The following SCTR variants were observed in gnomAD, a reference collection of about 807,000 sequenced individuals.
SCTR encodes the protein pancreatic secretin receptor.
In SCTR, 56 loss-of-function variants were observed where a neutral mutation model predicts 60.8. The observed-to-expected ratio is 0.92, with a 90% CI of 0.74 to 1.15. SCTR has a LOEUF of 1.15. Among genes scored for constraint, SCTR ranks in the 50% most tolerant of loss-of-function variants. SCTR has a pLI of 0.00. For missense variants in SCTR, 562 were observed against 550.4 expected (o/e 1.02, Z -0.21); for synonymous variants, 202 against 217.0 (o/e 0.93, Z 0.61).
In SCTR at chr2:119,524,191, T is replaced by A. The variant is rs1167236642; in HGVS notation, c.36A>T (p.Leu12=). The A allele has an allele frequency of 1.3e-6, 2 of 1,525,904 alleles. No individual in the cohort carries two copies. Among genetic ancestry groups the A allele is most frequent in the East Asian group, 2.7e-5 (1 of 36,928 alleles). 94.5% of individuals were successfully genotyped at this position (1,525,904 alleles called of 1,614,324 possible). Residue 12 remains leucine, a synonymous_variant, in exon 1 of 13, where the codon CTA becomes CTT. Coordinates refer to ENST00000019103, the MANE Select transcript of SCTR (RefSeq NM_002980.3). ...CGCAGGCGAGCAGCACCGGCAGTAG[T>A]AGCTGCTGCAGCGGCGGCGACAGGT... is the stretch of plus-strand genomic sequence containing the variant. ...RPHLSPPLQQ[L]LLPVLLACAA...
chr2:119,494,009 G>A (rs146911986), intron 2 of SCTR, among the ~76,000 whole-genome samples: 6 of 152,266 alleles, frequency 3.9e-5, no homozygotes, highest in Non-Finnish European at 7.4e-5. Context: ...TCACACAGCC[G>A]GTGAGTGTCA....
chr2:119,443,090 T>G (rs1043803818), intron 11 of SCTR, among the ~76,000 whole-genome samples: 1 of 152,146 alleles, frequency 6.6e-6, no homozygotes, highest in African/African-American at 2.4e-5. Flanking sequence ...ATGCTGCCCG[T>G]TGCATGGGCT....
chr2:119,482,699 G>C (rs959460431), intron 2 of SCTR, among the ~76,000 whole-genome samples: 3 of 152,196 alleles, frequency 2.0e-5, no homozygotes, highest in African/African-American at 7.2e-5. Flanking sequence ...CTGGGCCTGA[G>C]CAGGGTCTCG....
chr2:119,478,931 G>A lies in SCTR; in HGVS notation c.194-13C>T. 2 of 1,614,036 alleles carry A rather than the reference G, an allele frequency of 1.2e-6. No individual in the cohort carries two copies. The highest frequency in any genetic ancestry group is 1.7e-6 in the Non-Finnish European group (2 of 1,179,940). ...ATCCCCTCACAACCTGCCAAGAAAA[G>A]CAGCATCAGACAAGGATGGGGGATG... On this transcript the variant is annotated splice_polypyrimidine_tract_variant and intron_variant, in intron 2 of 12. Transcript: ENST00000019103.
rs1331842057 is a variant in SCTR at position 119,444,458 on chromosome 2, T to A, written c.1140+2301A>T. Among the ~76,000 whole-genome samples, 3 of 121,992 alleles carry A rather than the reference T, an allele frequency of 2.5e-5. 1 individual carries two copies. The South Asian group carries it at 8.2e-4, about 33-fold the overall frequency. The allele number at this position is 121,992 out of a possible 152,430, so 80.0% of individuals were successfully genotyped here. A position where few individuals can be genotyped will look rare whatever the true frequency, so the allele number is the denominator to read the frequency against. The stretch of plus-strand genomic sequence containing the variant: ...ATACACATATATATACGTACGTATA[T>A]ATATACACATATATACGTACGTATA... On this transcript the variant is annotated intron_variant, in intron 11 of 12. Transcript: ENST00000019103.
chr2:119,478,805 G>T lies in SCTR; in HGVS notation c.301+6C>A, dbSNP rs759809640. 4.3e-6 allele frequency: 7 copies of T among 1,614,134 alleles called. No individual in the cohort carries two copies. The highest frequency in any genetic ancestry group is 4.2e-6 in the Non-Finnish European group (5 of 1,179,982). Reference sequence around the variant, plus strand: ...GTCCGCCAGGCCCCATGGGCCGAGTGGTTACCATTTCTGCTGGTGAGCATC... The same window carrying T: ...GTCCGCCAGGCCCCATGGGCCGAGTTGTTACCATTTCTGCTGGTGAGCATC... On this transcript the variant is annotated splice_donor_region_variant and intron_variant, in intron 3 of 12. Coordinates refer to ENST00000019103, the MANE Select transcript of SCTR (RefSeq NM_002980.3).
rs888822201 is a variant in SCTR, at chr2:119,524,300, C to A, written c.-74G>T. The A allele has an allele frequency of 1.9e-6, 2 of 1,059,520 alleles. No homozygotes were observed. The highest frequency in any genetic ancestry group is 3.4e-5 in the African/African-American group (2 of 59,342). The allele number at this position is 1,059,520 out of a possible 1,614,324, so 65.6% of individuals were successfully genotyped here. A position where few individuals can be genotyped will look rare whatever the true frequency, so the allele number is the denominator to read the frequency against. On this transcript the variant is annotated 5_prime_UTR_variant, in exon 1 of 13. Coordinates refer to ENST00000019103, the MANE Select transcript of SCTR (RefSeq NM_002980.3). ...CCTCTGCCCGCTCGGGAGCTCAGCG[C>A]CCCGCGCAGGGTCCCGGGCTCCGGC... is the stretch of plus-strand genomic sequence containing the variant.
intron 11 of SCTR, among the ~76,000 whole-genome samples, chr2:119,443,677 A>C (rs1045690806): frequency 2.0e-5 from 3 of 151,970 alleles, no homozygotes; most frequent in Non-Finnish European, 4.4e-5. Context: ...CTCCCGAGTA[A>C]CTGGGACTAC....
intron 12 of SCTR, 84 bp from the exon 13 acceptor site, chr2:119,440,341 C>T (rs546903233): frequency 2.0e-6 from 3 of 1,468,096 alleles, no homozygotes; most frequent in African/African-American, 2.8e-5. Flanking sequence ...TGACTCCACG[C>T]AGGCCCTGCC....
intron 2 of SCTR, among the ~76,000 whole-genome samples, chr2:119,493,641 CTTT>C (rs35864019): frequency 1.0e-4 from 14 of 133,394 alleles, no homozygotes; most frequent in Non-Finnish European, 1.6e-4. Flanking sequence ...CATTCTTCTT[CTTT>C]TTTTTTTTTT....
chr2:119,500,123 A>T (rs1678488117), intron 1 of SCTR, among the ~76,000 whole-genome samples: 2 of 152,192 alleles, frequency 1.3e-5, no homozygotes, highest in Admixed American at 1.3e-4. Flanking sequence ...TCATTAGAAA[A>T]ATGCAAATCA....
intron 1 of SCTR, among the ~76,000 whole-genome samples, chr2:119,500,184 G>GTCATCCTAAAAGTT (rs1470818518): frequency 2.0e-5 from 1 of 49,274 alleles, no homozygotes; most frequent in African/African-American, 4.6e-5. Flanking sequence ...ACTAAAAAGT[G>GTCATCCTAAAAGTT]TAGTCCTAAA....
chr2:119,473,418 C>A (rs532406500), intron 4 of SCTR, 35 bp downstream of exon 4: 146 of 1,468,976 alleles, frequency 9.9e-5, no homozygotes, highest in Non-Finnish European at 1.4e-4. Flanking sequence ...AGGTTCCTGT[C>A]CCCGGGTTCG....
At chr2:119,453,716 A>G (rs1410830859) in intron 7 of SCTR, among the ~76,000 whole-genome samples, 9 of 152,170 alleles carry the variant, frequency 5.9e-5, no homozygotes, top group Non-Finnish European at 1.2e-4. Context: ...TCATACTGTG[A>G]TCTGCCTGGC....
At position 119,448,707 on chromosome 2, in the gene SCTR, T is replaced by C; in HGVS notation, c.995A>G (p.Asn332Ser). Reference protein sequence around the residue: ...RKLRTQETRGNEVSHYKRLAR... With the variant: ...RKLRTQETRGSEVSHYKRLAR... ...CACTTACTTATAATGGCTGACTTCATTTCCTCTTGTTTCTTGGGTTCTAAG... is the reference window on the plus strand; with the variant it reads ...CACTTACTTATAATGGCTGACTTCACTTCCTCTTGTTTCTTGGGTTCTAAG... The change falls in exon 10 of 13, where the codon AAT becomes AGT. Residue 332 changes from asparagine to serine, a missense_variant. Physicochemically the swap from Asn to Ser is conservative, Grantham distance 46. Coordinates refer to ENST00000019103, the MANE Select transcript of SCTR (RefSeq NM_002980.3). 1 of 1,593,358 alleles carries C rather than the reference T, an allele frequency of 6.3e-7. No homozygotes were observed. Among genetic ancestry groups the C allele is most frequent in the Non-Finnish European group, 8.6e-7 (1 of 1,161,112 alleles).
At chr2:119,497,136 G>C (rs941027265) in intron 1 of SCTR, among the ~76,000 whole-genome samples, 5 of 152,128 alleles carry the variant, frequency 3.3e-5, no homozygotes, top group Non-Finnish European at 5.9e-5. Flanking sequence ...GAGAGTTGGG[G>C]TTTCCACTAC....
chr2:119,512,952 G>T (rs1296757303), intron 1 of SCTR, among the ~76,000 whole-genome samples: 1 of 152,116 alleles, frequency 6.6e-6, no homozygotes, highest in Admixed American at 6.5e-5. Context: ...ATGATTGTTT[G>T]CTTCCACATT....
intron 1 of SCTR, among the ~76,000 whole-genome samples, chr2:119,516,838 A>G (rs1430552035): frequency 6.6e-6 from 1 of 152,122 alleles, no homozygotes; most frequent in Non-Finnish European, 1.5e-5. Context: ...GCATGCCTCT[A>G]ATCCCAGCTA....
intron 2 of SCTR, among the ~76,000 whole-genome samples, chr2:119,493,068 G>A (rs1225416271): frequency 6.6e-6 from 1 of 152,014 alleles, no homozygotes; most frequent in East Asian, 1.9e-4. Context: ...TGTTGGCCAG[G>A]CTGGTCTTGA....
Sources: gnomAD v4.1 joint callset for allele counts (sites outside exome capture counted in the v4.1 genomes callset) on GRCh38, gnomAD v4.1.1 for gene constraint, MANE v1.5 for transcripts, NCBI Gene and HGNC (gene_info 2026-07-23, HGNC 2026-07-21) for gene names.